SNX29: variants seen among roughly 807,000 people sequenced by gnomAD.
The protein encoded by SNX29 is sorting nexin 29.
SNX29 carries 78 observed loss-of-function variants against 102.1 expected under a neutral mutation model. That is an observed-to-expected ratio of 0.76 (90% CI 0.64 to 0.92). SNX29 has a LOEUF of 0.92. Among genes scored for constraint, SNX29 ranks in the 40% least tolerant of loss-of-function variants. The probability of loss-of-function intolerance (pLI) is 0.00; values close to 1 mark genes in which losing one functional copy is unlikely to be tolerated. For synonymous variants in SNX29, 580 were observed against 414.5 expected (o/e 1.40, Z -4.85); for missense variants, 1,280 against 1,061.7 (o/e 1.21, Z -2.86).
At position 12,571,371 on chromosome 16, in the gene SNX29, C is replaced by G. The variant is rs7198503; in HGVS notation, c.*2742C>G. On this transcript the variant is annotated 3_prime_UTR_variant, in exon 21 of 21. Transcript: ENST00000566228. ...AAGCCACGACCTTATCCATGAGTGG[C>G]GAAGACACCCCTGAGGAAAGGATTG... The G allele has an allele frequency of 0.03, 6,947 of 231,234 alleles. 459 individuals carry two copies. The highest frequency in any genetic ancestry group is 0.14 in the African/African-American group (6,447 of 45,262). 14.3% of individuals were successfully genotyped at this position (231,234 alleles called of 1,614,324 possible).
chr16:12,297,077 C>T (rs2080006696), intron 15 of SNX29: 2 of 152,318 alleles, frequency 1.3e-5, no homozygotes, highest in Non-Finnish European at 2.9e-5. Context: ...GGTTGAGAAC[C>T]ACTCCTCTAG....
intron 13 of SNX29, among the ~76,000 whole-genome samples, chr16:12,165,072 G>A (rs74857778): frequency 0.02 from 3,113 of 152,256 alleles, 98 homozygotes; most frequent in African/African-American, 0.071. Flanking sequence ...AGAGTTTGTC[G>A]TGTTCGGCCT....
chr16:12,052,863 C>T (rs1167834730), intron 8 of SNX29: 1 of 153,942 alleles, frequency 6.5e-6, no homozygotes, highest in Non-Finnish European at 1.4e-5. Context: ...TCTGGATTTT[C>T]CTTGCATCTG....
intron 18 of SNX29, among the ~76,000 whole-genome samples, chr16:12,476,395 T>A (rs9931168): frequency 1.7e-4 from 3 of 18,060 alleles, no homozygotes; most frequent in East Asian, 3.6e-3. Flanking sequence ...TATATATATA[T>A]ATATATATAT....
intron 3 of SNX29, among the ~76,000 whole-genome samples, chr16:12,024,863 C>T (rs1596624090): frequency 6.6e-6 from 1 of 152,172 alleles, no homozygotes; most frequent in Non-Finnish European, 1.5e-5. Flanking sequence ...CAACATACCC[C>T]AGAGTTTTTT....
chr16:12,048,680 G>A (rs1567563720), intron 7 of SNX29, 60 bp downstream of exon 7: 2 of 1,613,304 alleles, frequency 1.2e-6, no homozygotes, highest in South Asian at 1.1e-5. Context: ...CGGATGGGGT[G>A]GACATATCTT....
At chr16:12,237,251 C>T (rs757009414) in intron 14 of SNX29, among the ~76,000 whole-genome samples, 30 of 152,314 alleles carry the variant, frequency 2.0e-4, no homozygotes, top group Non-Finnish European at 2.9e-4. Context: ...TGAAGCCCAG[C>T]GGTGTTTCCT....
At chr16:12,006,754 G>C (rs1348297180) in intron 3 of SNX29, among the ~76,000 whole-genome samples, 1 of 151,890 alleles carries the variant, frequency 6.6e-6, no homozygotes, top group African/African-American at 2.4e-5. Context: ...GAGTAGCTAA[G>C]ACTACAGATG....
At chr16:12,538,725 C>G (rs996286306) in intron 20 of SNX29, among the ~76,000 whole-genome samples, 11 of 152,036 alleles carry the variant, frequency 7.2e-5, no homozygotes, top group South Asian at 6.2e-4. Flanking sequence ...TCAGGGAGCA[C>G]AGACAGGAGA....
At chr16:12,402,438 C>T (rs555958904) in intron 17 of SNX29, among the ~76,000 whole-genome samples, 3 of 152,328 alleles carry the variant, frequency 2.0e-5, no homozygotes, top group African/African-American at 4.8e-5. Flanking sequence ...GCATTTAGCC[C>T]TGGAACAGCT....
At chr16:12,546,777 C>CCATT (rs113965665) in intron 20 of SNX29, 1 of 151,534 alleles carries the variant, frequency 6.6e-6, no homozygotes, top group Non-Finnish European at 1.5e-5. Flanking sequence ...TTCCATGCAA[C>CCATT]AAAGGAAATT....
rs536753341 is a variant in SNX29, at chr16:12,568,778, G to A, written c.*149G>A. 23 of 1,230,630 alleles carry A rather than the reference G, an allele frequency of 1.9e-5. No homozygotes were observed. Among genetic ancestry groups the A allele is most frequent in the African/African-American group, 4.5e-5 (3 of 65,986 alleles). The allele number at this position is 1,230,630 out of a possible 1,614,324, so 76.2% of individuals were successfully genotyped here. On this transcript the variant is annotated 3_prime_UTR_variant, in exon 21 of 21. Coordinates refer to ENST00000566228, the MANE Select transcript of SNX29 (RefSeq NM_032167.5). ...ATTCCCAACAGTTACACAACACCCC[G>A]ATTAAACTAATCAGTCTTCGAGCCG...
intron 19 of SNX29, among the ~76,000 whole-genome samples, chr16:12,485,046 T>G (rs895898395): frequency 6.6e-6 from 1 of 152,230 alleles, no homozygotes; most frequent in Non-Finnish European, 1.5e-5. Flanking sequence ...CCTTTTATTT[T>G]CTTCTTCGCT....
intron 15 of SNX29, among the ~76,000 whole-genome samples, chr16:12,349,127 A>G (rs1287661396): frequency 2.0e-5 from 3 of 152,246 alleles, no homozygotes; most frequent in African/African-American, 7.2e-5. Flanking sequence ...GTGTAGCTTT[A>G]GACAGGCCAC....
chr16:12,563,927 C>T (rs1350159604), intron 20 of SNX29, among the ~76,000 whole-genome samples: 1 of 152,188 alleles, frequency 6.6e-6, no homozygotes, highest in Non-Finnish European at 1.5e-5. Flanking sequence ...ACCTACAATA[C>T]CTAGACGCTG....
intron 18 of SNX29, among the ~76,000 whole-genome samples, chr16:12,441,678 A>C (rs1028492778): frequency 1.3e-5 from 2 of 152,188 alleles, no homozygotes; most frequent in African/African-American, 4.8e-5. Flanking sequence ...TTCTGATATC[A>C]TGTCTAAGAA....
chr16:12,205,775 T>C (rs996549080), intron 14 of SNX29, among the ~76,000 whole-genome samples: 2 of 152,252 alleles, frequency 1.3e-5, no homozygotes, highest in Admixed American at 6.5e-5. Context: ...TTTTCTTGCT[T>C]GTTTCTTCCC....
At chr16:12,477,962 GA>G in intron 19 of SNX29, 103 bp downstream of exon 19, 1 of 1,350,472 alleles carries the variant, frequency 7.4e-7, no homozygotes, top group Non-Finnish European at 9.8e-7. Flanking sequence ...GCTCCTTAAA[GA>G]AAAGTTGGTG....
chr16:12,301,648 C>A (rs1301912441), intron 15 of SNX29, among the ~76,000 whole-genome samples: 1 of 152,190 alleles, frequency 6.6e-6, no homozygotes, highest in Admixed American at 6.5e-5. Flanking sequence ...GGTCCATCTC[C>A]CCTCTAGAAT....
Sources: allele counts gnomAD v4.1 joint callset (sites outside exome capture counted in the v4.1 genomes callset), GRCh38; gene constraint gnomAD v4.1.1; transcripts MANE v1.5; gene names NCBI Gene and HGNC (gene_info 2026-07-23, HGNC 2026-07-21).